Variants in TRPM3 observed in about 807,000 individuals in gnomAD.
TRPM3 encodes transient receptor potential cation channel subfamily M member 3, also known as long transient receptor potential channel 3.
In TRPM3, 77 loss-of-function variants were observed where a neutral mutation model predicts 181.2. That is an observed-to-expected ratio of 0.42 (90% CI 0.35 to 0.51). The LOEUF is 0.51. Ranked by LOEUF, TRPM3 falls within the 20% of genes least tolerant of loss-of-function variation. TRPM3 has a pLI of 0.01. For synonymous variants in TRPM3, 745 were observed against 796.4 expected, an observed-to-expected ratio of 0.94 and a Z score of 1.09; for missense variants, 1,759 against 2,196.7, an observed-to-expected ratio of 0.80 and a Z score of 3.98.
At position 71,325,158 on chromosome 9, in the gene TRPM3, G is replaced by A. The variant is rs561580299; in HGVS notation, c.183+121495C>T. On this transcript the variant is annotated intron_variant, in intron 1 of 24. Coordinates refer to the TRPM3 transcript ENST00000357533. Reference sequence around the variant, plus strand: ...AATTTCTCACATACCTCACAAGTTTGTACAAGTAACAAATACATTATTAGT... The same window carrying A: ...AATTTCTCACATACCTCACAAGTTTATACAAGTAACAAATACATTATTAGT... Among the ~76,000 whole-genome samples, 5 of 152,108 alleles carry A rather than the reference G, an allele frequency of 3.3e-5. No homozygotes were observed. The South Asian group carries it at 8.3e-4, about 25-fold the overall frequency.
chr9:70,829,504 T>C (rs1384804373), intron 5 of TRPM3, among the ~76,000 whole-genome samples: 1 of 152,170 alleles, frequency 6.6e-6, no homozygotes, highest in East Asian at 1.9e-4. Context: ...TGTATATAAT[T>C]CTGAGCTTCT....
At chr9:71,315,476 G>C (rs1277932746) in intron 1 of TRPM3, among the ~76,000 whole-genome samples, 2 of 151,988 alleles carry the variant, frequency 1.3e-5, no homozygotes, top group Non-Finnish European at 2.9e-5. Flanking sequence ...TTTCTACTCT[G>C]TCTAGATCCC....
At chr9:70,914,007 C>T (rs1175246783) in intron 1 of TRPM3, among the ~76,000 whole-genome samples, 2 of 152,190 alleles carry the variant, frequency 1.3e-5, no homozygotes, top group East Asian at 1.9e-4. Flanking sequence ...AGATCACAGC[C>T]TTCAATGACA....
At chr9:70,695,856 A>C (rs1351381342) in intron 8 of TRPM3, among the ~76,000 whole-genome samples, 1 of 152,170 alleles carries the variant, frequency 6.6e-6, no homozygotes, top group Admixed American at 6.5e-5. Flanking sequence ...AGAACCATGC[A>C]GGCGGAAAGG....
chr9:70,868,409 G>A (rs2132517505), intron 1 of TRPM3, among the ~76,000 whole-genome samples: 1 of 152,062 alleles, frequency 6.6e-6, no homozygotes, highest in Admixed American at 6.5e-5. Context: ...AGTCAATAAA[G>A]CATCAAAATA....
intron 3 of TRPM3, among the ~76,000 whole-genome samples, chr9:70,859,030 T>C (rs75204925): frequency 0.034 from 5,221 of 152,202 alleles, 126 homozygotes; most frequent in Non-Finnish European, 0.053. Context: ...GCTTCATGGA[T>C]GACTTGGCAG....
At chr9:71,421,933 G>C (rs1418122450) in intron 1 of TRPM3, among the ~76,000 whole-genome samples, 2 of 151,896 alleles carry the variant, frequency 1.3e-5, no homozygotes, top group African/African-American at 4.8e-5. Context: ...CCCACAATTT[G>C]CCACCCCTGG....
chr9:71,200,380 C>T (rs201555608), intron 1 of TRPM3, among the ~76,000 whole-genome samples: 1,644 of 151,220 alleles, frequency 0.011, 27 homozygotes, highest in East Asian at 0.076. Context: ...CTGTAGATGT[C>T]TATTAGGCCC....
At chr9:71,073,652 A>C (rs932287499) in intron 1 of TRPM3, among the ~76,000 whole-genome samples, 7 of 151,502 alleles carry the variant, frequency 4.6e-5, no homozygotes, top group Admixed American at 2.0e-4. Context: ...TAAAAAAAAA[A>C]CCCAATTTAT....
At chr9:71,162,436 T>A (rs889492174) in intron 1 of TRPM3, among the ~76,000 whole-genome samples, 2 of 152,038 alleles carry the variant, frequency 1.3e-5, no homozygotes, top group African/African-American at 4.8e-5. Flanking sequence ...TTTAGATCAC[T>A]AGTTTTTCTG....
chr9:70,991,757 T>C (rs1044183393), intron 1 of TRPM3, among the ~76,000 whole-genome samples: 10 of 152,288 alleles, frequency 6.6e-5, no homozygotes, highest in African/African-American at 1.9e-4. Context: ...TTGTGGCTCA[T>C]AGAAGGCCTT....
chr9:71,026,177 A>G (rs966012024), intron 1 of TRPM3, among the ~76,000 whole-genome samples: 3 of 152,144 alleles, frequency 2.0e-5, no homozygotes, highest in Admixed American at 1.3e-4. Flanking sequence ...CTTAGGCACA[A>G]CTTGCTCCCA....
intron 1 of TRPM3, among the ~76,000 whole-genome samples, chr9:71,328,075 A>C (rs1370113905): frequency 5.9e-5 from 9 of 151,792 alleles, no homozygotes; most frequent in Non-Finnish European, 1.0e-4. Flanking sequence ...AATTAAAAAA[A>C]AAAAACAAAA....
chr9:70,857,985 A>G (rs1273054900), intron 3 of TRPM3, among the ~76,000 whole-genome samples: 1 of 152,128 alleles, frequency 6.6e-6, no homozygotes, highest in Non-Finnish European at 1.5e-5. Flanking sequence ...AAACAGACAC[A>G]CAGAGTGCTC....
chr9:70,675,773 T>C (rs1179677494), intron 9 of TRPM3, among the ~76,000 whole-genome samples: 4 of 152,190 alleles, frequency 2.6e-5, no homozygotes, highest in Non-Finnish European at 5.9e-5. Context: ...CCTTTGAATA[T>C]ATATATGTGT....
rs534501206 is a variant in TRPM3, at chr9:71,252,080, C to T, written c.183+194573G>A. On this transcript the variant is annotated intron_variant, in intron 1 of 24. Transcript: ENST00000357533. ...ATAGTATTCCATTTCCTTATTCATT[C>T]ATGTGTTGATGGAGACTTAGATTGC... 3.0e-4 allele frequency among the ~76,000 whole-genome samples: 45 copies of T among 152,220 alleles called. 1 individual carries two copies. Among genetic ancestry groups the T allele is most frequent in the African/African-American group, 1.0e-3 (43 of 41,544 alleles).
At chr9:70,650,000 C>A (rs967176170) in intron 9 of TRPM3, among the ~76,000 whole-genome samples, 1 of 152,138 alleles carries the variant, frequency 6.6e-6, no homozygotes, top group Non-Finnish European at 1.5e-5. Flanking sequence ...AAATCGTGTC[C>A]TTTGCAGCAA....
chr9:70,655,272 C>A (rs1166505417), intron 9 of TRPM3, among the ~76,000 whole-genome samples: 4 of 132,338 alleles, frequency 3.0e-5, no homozygotes, highest in African/African-American at 1.2e-4. Flanking sequence ...TGCCCCTAAA[C>A]TCCAGCCTGG....
chr9:71,110,537 A>G (rs1254182734), intron 1 of TRPM3, among the ~76,000 whole-genome samples: 1 of 152,188 alleles, frequency 6.6e-6, no homozygotes, highest in Admixed American at 6.5e-5. Context: ...AGTAGTTACA[A>G]TAGACTACAT....
Sources: allele counts gnomAD v4.1 joint callset (sites outside exome capture counted in the v4.1 genomes callset), GRCh38; gene constraint gnomAD v4.1.1; transcripts MANE v1.5; gene names NCBI Gene and HGNC (gene_info 2026-07-23, HGNC 2026-07-21).